The following GNL3L variants were observed in gnomAD, a reference collection of about 807,000 sequenced individuals.
GNL3L encodes guanine nucleotide-binding protein-like 3-like protein.
In GNL3L, 4 loss-of-function variants were observed where a neutral mutation model predicts 42.9. The observed-to-expected ratio is 0.09, with a 90% CI of 0.05 to 0.21. The LOEUF (loss-of-function observed/expected upper bound fraction) is 0.21, where lower values mean the gene tolerates loss of function less well. GNL3L is among the 10% of genes least tolerant of loss of function. The pLI is 1.00. For missense variants in GNL3L, 412 were observed against 481.7 expected (o/e 0.86, Z 1.36); for synonymous variants, 159 against 176.3 (o/e 0.90, Z 0.78).
At chrX:54,534,490 G>A (rs1448492203) in intron 2 of GNL3L, among the ~76,000 whole-genome samples, 1 of 111,249 alleles carries the variant, frequency 9.0e-6, no homozygotes, top group African/African-American at 3.3e-5. Flanking sequence ...GAAGTCAGTG[G>A]GTGTACAGGG....
At position 54,558,532 on chromosome X, in the gene GNL3L, G is replaced by A. The variant is rs770710664; in HGVS notation, c.1543G>A (p.Val515Met). ...VDHRPKSNSMVDVCSVDRRSV... is the reference protein window; with the variant it reads ...VDHRPKSNSMMDVCSVDRRSV... ...CCACCGCCCTAAGAGCAACAGTATG[G>A]TGGATGTCTGCTCAGTGGACCGCCG... is the stretch of plus-strand genomic sequence containing the variant. Residue 515 changes from valine to methionine, a missense_variant, in exon 15 of 16, where the codon GTG becomes ATG. By Grantham distance (21) the Val-to-Met change is conservative. Coordinates refer to ENST00000360845, the MANE Select transcript of GNL3L (RefSeq NM_001184819.2). 1.2e-5 allele frequency: 15 copies of A among 1,207,820 alleles called. No individual in the cohort carries two copies. In the Middle Eastern group the frequency reaches 9.2e-4, roughly 74 times the overall value.
Position 54,613,136 on chromosome X carries a change from T to A in GNL3L, c.*46-7709T>A, listed in dbSNP as rs192879504. Among the ~76,000 whole-genome samples the A allele has an allele frequency of 5.6e-4, 63 of 111,700 alleles. 1 individual carries two copies. The highest frequency in any genetic ancestry group is 1.0e-3 in the Non-Finnish European group (54 of 53,139). On this transcript the variant is annotated intron_variant, in intron 16 of 16. Coordinates refer to the GNL3L transcript ENST00000674498. ...ACTTTGTTCATATTTCCTTACTCTT[T>A]TTTCTTTGTCTTTGTTGGATTAGGT... is the stretch of plus-strand genomic sequence containing the variant.
intron 2 of GNL3L, among the ~76,000 whole-genome samples, chrX:54,533,396 C>CA (rs1924325448): frequency 9.3e-6 from 1 of 107,543 alleles, no homozygotes; most frequent in African/African-American, 3.4e-5. Context: ...TAAAACAAAA[C>CA]AAAAAAAGAA....
chrX:54,624,001 G>A (rs1405512617), downstream of GNL3L, among the ~76,000 whole-genome samples: 1 of 109,709 alleles, frequency 9.1e-6, no homozygotes, highest in Non-Finnish European at 1.9e-5. Flanking sequence ...GCTCACTGCA[G>A]CCTCGACTTC....
At chrX:54,583,832 G>A (rs1925746966) in intron 16 of GNL3L, among the ~76,000 whole-genome samples, 1 of 110,029 alleles carries the variant, frequency 9.1e-6, no homozygotes, top group African/African-American at 3.3e-5. Context: ...TTGTAGAGAT[G>A]GGGTTTTGTC....
At chrX:54,621,345 A>T (rs941113843) in exon 17 of GNL3L, among the ~76,000 whole-genome samples, 1 of 111,952 alleles carries the variant, frequency 8.9e-6, no homozygotes, top group African/African-American at 3.2e-5. Context: ...ACTCTGGTCA[A>T]CAGCTCAGTT....
chrX:54,609,019 G>GT (rs1489661172), intron 16 of GNL3L, among the ~76,000 whole-genome samples: 2 of 111,595 alleles, frequency 1.8e-5, no homozygotes, highest in East Asian at 2.8e-4. Flanking sequence ...AATATCTACT[G>GT]TTTTTTGATA....
At chrX:54,590,181 G>A (rs948894849) in intron 16 of GNL3L, among the ~76,000 whole-genome samples, 1 of 111,277 alleles carries the variant, frequency 9.0e-6, no homozygotes, top group East Asian at 2.8e-4. Context: ...TTTGTGATCC[G>A]CCCGCCTCGG....
chrX:54,639,380 C>T, the GNL3L span, among the ~76,000 whole-genome samples: 9,931 of 112,141 alleles, frequency 0.089, 1,053 homozygotes, highest in African/African-American at 0.31. Flanking sequence ...GTGCCCCGCC[C>T]GCCCGACTCG....
At chrX:54,596,596 T>C (rs1361984361) in intron 16 of GNL3L, among the ~76,000 whole-genome samples, 1 of 112,121 alleles carries the variant, frequency 8.9e-6, no homozygotes, top group African/African-American at 3.2e-5. Flanking sequence ...GGCTCTACAA[T>C]CAGCAGGTGG....
At chrX:54,544,466 G>C in intron 8 of GNL3L, 140 bp downstream of exon 8, 1 of 383,080 alleles carries the variant, frequency 2.6e-6, no homozygotes, top group Non-Finnish European at 4.6e-6. Flanking sequence ...GCTCCACCGA[G>C]TGACTTTTTT....
At chrX:54,618,435 C>T (rs1004247580) in intron 16 of GNL3L, among the ~76,000 whole-genome samples, 7 of 111,579 alleles carry the variant, frequency 6.3e-5, no homozygotes, top group African/African-American at 2.3e-4. Flanking sequence ...TTCAACAGAT[C>T]CATGTTCTAG....
chrX:54,541,827 C>T lies in GNL3L; in HGVS notation c.306+438C>T, dbSNP rs138983008. ...GTTCTTGTTTCACACACAGAATACA[C>T]GCTTGCCAGCTCATACTCCCTTTTC... On this transcript the variant is annotated intron_variant, in intron 5 of 15. Coordinates refer to ENST00000360845, the MANE Select transcript of GNL3L (RefSeq NM_001184819.2). 2.5e-4 allele frequency among the ~76,000 whole-genome samples: 28 copies of T among 111,629 alleles called. No homozygotes were observed. In the East Asian group the frequency reaches 6.6e-3, roughly 26 times the overall value.
At chrX:54,569,583 C>G (rs1925515298), downstream of GNL3L, among the ~76,000 whole-genome samples, 1 of 111,928 alleles carries the variant, frequency 8.9e-6, no homozygotes, top group African/African-American at 3.2e-5. Context: ...GAAAAAGGAA[C>G]AAAGTTGGAA....
intron 1 of GNL3L, among the ~76,000 whole-genome samples, chrX:54,531,530 A>C (rs1411689213): frequency 1.8e-5 from 2 of 110,636 alleles, no homozygotes; most frequent in Non-Finnish European, 3.8e-5. Context: ...CACACCACCC[A>C]TGCAGAGAAC....
chrX:54,590,756 G>GATTTATTTATTT (rs1244221353), intron 16 of GNL3L, among the ~76,000 whole-genome samples: 343 of 111,055 alleles, frequency 3.1e-3, no homozygotes, highest in African/African-American at 0.01. Flanking sequence ...TGAGGTCTTA[G>GATTTATTTATTT]ATTTATGTAT....
the GNL3L span, among the ~76,000 whole-genome samples, chrX:54,633,106 G>T: frequency 3.6e-5 from 4 of 110,743 alleles, no homozygotes; most frequent in African/African-American, 9.9e-5. Context: ...TCCATCTTCG[G>T]GTCTCTTAGC....
chrX:54,558,886 ACCT>A (rs1301498140), intron 15 of GNL3L, among the ~76,000 whole-genome samples: 1 of 111,495 alleles, frequency 9.0e-6, no homozygotes. Context: ...CAAACTCCTG[ACCT>A]CAGGTGATCC....
intron 2 of GNL3L, among the ~76,000 whole-genome samples, chrX:54,535,819 C>T (rs374102770): frequency 2.6e-4 from 29 of 111,459 alleles, no homozygotes; most frequent in Admixed American, 1.5e-3. Context: ...GGCTAGAGTG[C>T]AGGTGTGATC....
Sources: allele counts gnomAD v4.1 joint callset (sites outside exome capture counted in the v4.1 genomes callset), GRCh38; gene constraint gnomAD v4.1.1; transcripts MANE v1.5; gene names NCBI Gene and HGNC (gene_info 2026-07-23, HGNC 2026-07-21).